The following GRIN2A variants were observed in gnomAD, a reference collection of about 807,000 sequenced individuals.
The protein encoded by GRIN2A is glutamate ionotropic receptor NMDA type subunit 2A, also known as glutamate receptor ionotropic, NMDA 2A.
A neutral mutation model predicts 113.4 loss-of-function variants in GRIN2A; 22 were observed. The observed-to-expected ratio is 0.19, with a 90% CI of 0.14 to 0.28. The LOEUF (loss-of-function observed/expected upper bound fraction) is 0.28, where lower values mean the gene tolerates loss of function less well. Among genes scored for constraint, GRIN2A ranks in the 10% least tolerant of loss-of-function variants. The probability of loss-of-function intolerance (pLI) is 1.00; values close to 1 mark genes in which losing one functional copy is unlikely to be tolerated. For synonymous variants in GRIN2A, 827 were observed against 738.4 expected, an observed-to-expected ratio of 1.12 and a Z score of -1.94; for missense variants, 1,502 against 1,887.0, an observed-to-expected ratio of 0.80 and a Z score of 3.78.
rs537598851 is a variant in GRIN2A, at chr16:10,125,168, G to A, written c.414+54830C>T. 4.6e-5 allele frequency among the ~76,000 whole-genome samples: 7 copies of A among 152,318 alleles called. No homozygotes were observed. In the South Asian group the frequency reaches 1.4e-3, roughly 32 times the overall value. Reference sequence around the variant, plus strand: ...ACAAAACCATAAATTTCACACTGCAGCAATCAAGTCCCACAATGTCCTGAA... The same window carrying A: ...ACAAAACCATAAATTTCACACTGCAACAATCAAGTCCCACAATGTCCTGAA... On this transcript the variant is annotated intron_variant, in intron 2 of 12. Coordinates refer to ENST00000330684, the MANE Select transcript of GRIN2A (RefSeq NM_001134407.3).
intron 2 of GRIN2A, among the ~76,000 whole-genome samples, chr16:10,010,084 T>A (rs1052396438): frequency 1.3e-5 from 2 of 152,254 alleles, no homozygotes; most frequent in African/African-American, 4.8e-5. Flanking sequence ...CTGTTTGAAT[T>A]CCTGCTTTCT....
At chr16:9,813,839 G>C (rs2042137401) in intron 10 of GRIN2A, among the ~76,000 whole-genome samples, 1 of 152,052 alleles carries the variant, frequency 6.6e-6, no homozygotes, top group African/African-American at 2.4e-5. Context: ...TTGTTGATCT[G>C]ATTTTCTCTG....
In GRIN2A at chr16:9,841,087, C is replaced by A. The variant is rs139033056; in HGVS notation, c.1346G>T (p.Gly449Val). The A allele has an allele frequency of 6.2e-7, 1 of 1,613,508 alleles. No individual in the cohort carries two copies. The highest frequency in any genetic ancestry group is 8.5e-7 in the Non-Finnish European group (1 of 1,179,678). ...CTTGCAGCATTTCTTCACATTCATCCCCTCATTGGTTGAATTGCTGTAAAG... is the reference window on the plus strand; with the variant it reads ...CTTGCAGCATTTCTTCACATTCATCACCTCATTGGTTGAATTGCTGTAAAG... Reference protein sequence around the residue: ...FVKINNSTNEGMNVKKCCKGF... With the variant: ...FVKINNSTNEVMNVKKCCKGF... Residue 449 changes from glycine (G) to valine (V), a missense_variant, in exon 6 of 13, where the codon GGG becomes GTG. Gly to Val is a moderately radical substitution (Grantham distance 109). Around this residue, in one of 7 missense-constraint regions of GRIN2A, gnomAD observed 334 missense variants for 403.0 expected, o/e 0.83. Coordinates refer to ENST00000330684, the MANE Select transcript of GRIN2A (RefSeq NM_001134407.3).
chr16:9,807,809 G>A (rs1293450988), intron 10 of GRIN2A, among the ~76,000 whole-genome samples: 4 of 152,182 alleles, frequency 2.6e-5, no homozygotes, highest in Non-Finnish European at 4.4e-5. Flanking sequence ...TGCATACTTT[G>A]TGGAAAGTTG....
chr16:9,930,162 G>A (rs1306825227), intron 3 of GRIN2A, among the ~76,000 whole-genome samples: 1 of 152,178 alleles, frequency 6.6e-6, no homozygotes, highest in East Asian at 1.9e-4. Context: ...CCACTCTCAT[G>A]GGTCCATCAG....
intron 2 of GRIN2A, among the ~76,000 whole-genome samples, chr16:9,999,236 G>C (rs566583061): frequency 5.3e-5 from 8 of 152,238 alleles, no homozygotes; most frequent in African/African-American, 1.7e-4. Context: ...GACTGCCTGG[G>C]TTCAAATCCT....
chr16:10,128,618 G>T (rs1220120586), intron 2 of GRIN2A, among the ~76,000 whole-genome samples: 1 of 152,204 alleles, frequency 6.6e-6, no homozygotes, highest in Non-Finnish European at 1.5e-5. Flanking sequence ...TGAATCATGT[G>T]TGCCTGCTTG....
intron 4 of GRIN2A, among the ~76,000 whole-genome samples, chr16:9,851,520 T>C (rs1335507874): frequency 1.3e-5 from 2 of 152,210 alleles, no homozygotes; most frequent in Admixed American, 6.5e-5. Flanking sequence ...TTGTACGACA[T>C]AGATCAAACC....
intron 2 of GRIN2A, among the ~76,000 whole-genome samples, chr16:10,041,345 G>C (rs571894883): frequency 2.1e-4 from 32 of 152,288 alleles, no homozygotes; most frequent in African/African-American, 6.3e-4. Flanking sequence ...GTGTGGGCTT[G>C]ATAATTAAGG....
intron 2 of GRIN2A, among the ~76,000 whole-genome samples, chr16:9,984,601 G>C (rs1201489295): frequency 1.3e-5 from 2 of 152,204 alleles, no homozygotes; most frequent in African/African-American, 4.8e-5. Flanking sequence ...CATTTCTGCT[G>C]TAGCTGTTGT....
At chr16:10,124,616 G>C (rs2048894275) in intron 2 of GRIN2A, among the ~76,000 whole-genome samples, 2 of 152,152 alleles carry the variant, frequency 1.3e-5, no homozygotes, top group Admixed American at 1.3e-4. Flanking sequence ...AGGTGAGACG[G>C]AGCTGGGAGA....
chr16:9,976,623 G>A (rs1453949835), intron 2 of GRIN2A, among the ~76,000 whole-genome samples: 1 of 152,180 alleles, frequency 6.6e-6, no homozygotes, highest in Non-Finnish European at 1.5e-5. Context: ...AACACTTAGA[G>A]CCAAGTTTGT....
intron 2 of GRIN2A, among the ~76,000 whole-genome samples, chr16:10,155,183 C>G (rs2049664116): frequency 6.6e-6 from 1 of 152,296 alleles, no homozygotes; most frequent in East Asian, 1.9e-4. Context: ...GAGGAGAGAA[C>G]TGAGTTGAAG....
rs1900777336 is a variant in GRIN2A at position 9,764,422 on chromosome 16, T to C, written c.3122A>G (p.Asn1041Ser). ...VSQRDEATAE[N>S]RTHSLKSPRY... ...AGGGCTCTTTAGGGAGTGGGTCCTA[T>C]TCTCTGCTGTTGCCTCATCCCTCTG... is the stretch of plus-strand genomic sequence containing the variant. The change falls in exon 13 of 13, where the codon AAT (asparagine) becomes AGT (serine). Residue 1041 changes from asparagine (N) to serine (S), a missense_variant. Asn to Ser is a conservative substitution (Grantham distance 46, BLOSUM62 1). Transcript: ENST00000330684. 6.2e-7 allele frequency: 1 copy of C among 1,613,938 alleles called. No homozygotes were observed. Among genetic ancestry groups the C allele is most frequent in the Admixed American group, 1.7e-5 (1 of 60,002 alleles).
intron 2 of GRIN2A, among the ~76,000 whole-genome samples, chr16:10,026,676 C>G (rs1468107689): frequency 1.4e-5 from 2 of 147,672 alleles, no homozygotes; most frequent in East Asian, 3.9e-4. Context: ...AAGACCACCA[C>G]CAGCAGACAT....
At chr16:9,862,487 G>C (rs886872240) in intron 4 of GRIN2A, among the ~76,000 whole-genome samples, 1 of 152,086 alleles carries the variant, frequency 6.6e-6, no homozygotes, top group Non-Finnish European at 1.5e-5. Context: ...TCCTCTTGAG[G>C]CTCAGCCAAC....
intron 11 of GRIN2A, among the ~76,000 whole-genome samples, chr16:9,776,926 T>C (rs1019214899): frequency 3.4e-4 from 51 of 152,210 alleles, no homozygotes; most frequent in African/African-American, 1.2e-3. Context: ...GGTCCTGCAA[T>C]TGAGGATGGC....
At chr16:10,173,442 G>A (rs894057361) in intron 2 of GRIN2A, among the ~76,000 whole-genome samples, 3 of 152,182 alleles carry the variant, frequency 2.0e-5, no homozygotes, top group Non-Finnish European at 4.4e-5. Context: ...CCTCAGGATG[G>A]CTGGTAATTA....
chr16:10,024,880 AT>A (rs1392263075), intron 2 of GRIN2A, among the ~76,000 whole-genome samples: 1 of 152,220 alleles, frequency 6.6e-6, no homozygotes, highest in African/African-American at 2.4e-5. Context: ...CTGGCTGCTC[AT>A]TTTTTGAGCA....
Sources: gnomAD v4.1 joint callset for allele counts (sites outside exome capture counted in the v4.1 genomes callset) on GRCh38, gnomAD v4.1.1 for gene constraint, gnomAD v4.1.1 regional missense constraint, MANE v1.5 for transcripts, NCBI Gene and HGNC (gene_info 2026-07-23, HGNC 2026-07-21) for gene names.